USP5: variants seen among roughly 807,000 people sequenced by gnomAD.
The protein encoded by USP5 is ubiquitin carboxyl-terminal hydrolase 5.
A neutral mutation model predicts 102.5 loss-of-function variants in USP5; 24 were observed. That is an observed-to-expected ratio of 0.23 (90% CI 0.17 to 0.33). The LOEUF is 0.33. Among genes scored for constraint, USP5 ranks in the 10% least tolerant of loss-of-function variants. USP5 has a pLI of 1.00. For synonymous variants in USP5, 460 were observed against 434.8 expected (o/e 1.06, Z -0.72); for missense variants, 753 against 1,122.1 (o/e 0.67, Z 4.70).
Position 6,863,825 on chromosome 12 carries a change from T to C in USP5, c.1955-5T>C. Reference sequence around the variant, plus strand: ...CGGTCCGTGTACCCACAATTCCCATTACAGCGCCCATGCTGGATGAATCAG... The same window carrying C: ...CGGTCCGTGTACCCACAATTCCCATCACAGCGCCCATGCTGGATGAATCAG... On this transcript the variant is annotated splice_region_variant and splice_polypyrimidine_tract_variant and intron_variant, in intron 15 of 19. Transcript: ENST00000229268. The surrounding 1 kb of genome is among the most constrained non-coding windows in gnomAD (Gnocchi z 4.7). The C allele has an allele frequency of 1.9e-6, 3 of 1,569,546 alleles. No individual in the cohort carries two copies. Among genetic ancestry groups the C allele is most frequent in the Non-Finnish European group, 2.6e-6 (3 of 1,155,418 alleles).
chr12:6,855,656 T>G lies in USP5; in HGVS notation c.238-99T>G, dbSNP rs1591605000. Reference sequence around the variant, plus strand: ...TGGCACAGATGTTTTTTAGCTTTATTCCGTTCTGAGATGAAGCACTACCTC... The same window carrying G: ...TGGCACAGATGTTTTTTAGCTTTATGCCGTTCTGAGATGAAGCACTACCTC... On this transcript the variant is annotated intron_variant, in intron 2 of 19. Transcript: ENST00000229268. This position sits in a 1 kb window ranked among gnomAD's most constrained non-coding sequence, Gnocchi z 4.6. 2.5e-6 allele frequency: 4 copies of G among 1,592,404 alleles called. No individual in the cohort carries two copies. The East Asian group carries it at 8.9e-5, about 36-fold the overall frequency.
chr12:6,857,006 T>G, intron 6 of USP5, 115 bp downstream of exon 6: 1 of 1,343,020 alleles, frequency 7.4e-7, no homozygotes, highest in Middle Eastern at 2.3e-4. Context: ...AGGAAAGTAG[T>G]CAGGTGCGGT....
chr12:6,863,460 T>C lies in USP5; in HGVS notation c.1954+83T>C, dbSNP rs1242338310. 6.8e-7 allele frequency: 1 copy of C among 1,461,842 alleles called. No individual in the cohort carries two copies. The highest frequency in any genetic ancestry group is 9.3e-7 in the Non-Finnish European group (1 of 1,071,282). 90.6% of individuals were successfully genotyped at this position (1,461,842 alleles called of 1,614,324 possible). A position where few individuals can be genotyped will look rare whatever the true frequency, so the allele number is the denominator to read the frequency against. On this transcript the variant is annotated intron_variant, in intron 15 of 19. Transcript: ENST00000229268. The surrounding 1 kb of genome is among the most constrained non-coding windows in gnomAD (Gnocchi z 4.7). ...TTGCATCCCCTGCCCCTGTCCTTTG[T>C]GTTTCTCCTGTCCTCCCTTTCAAAT...
chr12:6,852,313 C>T (rs372470475), intron 1 of USP5, 23 bp downstream of exon 1: 280 of 1,589,484 alleles, frequency 1.8e-4, no homozygotes, highest in Admixed American at 1.1e-4. Context: ...CCCACGCCCG[C>T]AACGAGCACG....
At chr12:6,859,169 T>G (rs1944201996) in intron 8 of USP5, among the ~76,000 whole-genome samples, 4 of 152,216 alleles carry the variant, frequency 2.6e-5, no homozygotes, top group South Asian at 4.1e-4. Context: ...ACAATTAGAA[T>G]GTGAATGCTC....
chr12:6,859,632 A>C, intron 9 of USP5, 91 bp downstream of exon 9: 1 of 1,276,470 alleles, frequency 7.8e-7, no homozygotes, highest in African/African-American at 1.5e-5. Context: ...ACAGCACTTT[A>C]ACCCCTGGCC....
chr12:6,865,885 G>A (rs1944431706), intron 19 of USP5, 99 bp from the exon 20 acceptor site: 1 of 1,026,282 alleles, frequency 9.7e-7, no homozygotes, highest in Non-Finnish European at 1.5e-6. Flanking sequence ...TGGGCAGAGA[G>A]TGTGGAGAGC....
rs1181403148 is a variant in USP5, at chr12:6,860,408, A to G, written c.1261A>G (p.Ile421Val). ...TGCCCCTCGGATGTTCAAGGCCCTC[A>G]TCGGCAAGGGCCACCCTGAATTCTC... is the stretch of plus-strand genomic sequence containing the variant. ...GIAPRMFKAL[I>V]GKGHPEFSTN... The change falls in exon 11 of 20, where the codon ATC becomes GTC. Residue 421 changes from isoleucine (I) to valine (V), a missense_variant. Ile to Val is a conservative substitution (Grantham distance 29). Around this residue, in one of 3 missense-constraint regions of USP5, gnomAD observed 527 missense variants for 816.5 expected, o/e 0.65. Transcript: ENST00000229268. This position sits in a 1 kb window ranked among gnomAD's most constrained non-coding sequence, Gnocchi z 5.5. The G allele has an allele frequency of 1.9e-6, 3 of 1,614,172 alleles. No individual in the cohort carries two copies. Among genetic ancestry groups the G allele is most frequent in the Non-Finnish European group, 8.5e-7 (1 of 1,180,034 alleles).
Position 6,854,681 on chromosome 12 carries a change from C to T in USP5, c.112-720C>T, listed in dbSNP as rs113032589. On this transcript the variant is annotated intron_variant, in intron 1 of 19. Coordinates refer to ENST00000229268, the MANE Select transcript of USP5 (RefSeq NM_001098536.2). Reference sequence around the variant, plus strand: ...ACTGAGGCAGAAGGATCACTTGAGCCGGGGAGGTTGAGGCTGCAGTGAGCT... The same window carrying T: ...ACTGAGGCAGAAGGATCACTTGAGCTGGGGAGGTTGAGGCTGCAGTGAGCT... Among the ~76,000 whole-genome samples the T allele has an allele frequency of 2.8e-3, 424 of 152,004 alleles. 2 individuals carry two copies. The highest frequency in any genetic ancestry group is 0.01 in the Middle Eastern group (3 of 292).
chr12:6,857,933 A>G (rs1555128717), intron 7 of USP5, among the ~76,000 whole-genome samples: 1 of 152,224 alleles, frequency 6.6e-6, no homozygotes, highest in East Asian at 1.9e-4. Context: ...AATAAGACAG[A>G]TGTGGTTTTT....
At chr12:6,852,410 C>A in intron 1 of USP5, 120 bp downstream of exon 1, 1 of 1,000,578 alleles carries the variant, frequency 1.0e-6, no homozygotes, top group Non-Finnish European at 1.5e-6. Context: ...GACTTGTAGT[C>A]TCCCACGCTC....
At chr12:6,862,401 C>T in intron 13 of USP5, 69 bp from the exon 14 acceptor site, 1 of 1,385,962 alleles carries the variant, frequency 7.2e-7, no homozygotes, top group South Asian at 1.2e-5. Context: ...GGCTGAACCC[C>T]AGGTGGGAGT....
intron 13 of USP5, 90 bp from the exon 14 acceptor site, chr12:6,862,380 T>C (rs1325453151): frequency 1.7e-6 from 2 of 1,146,540 alleles, no homozygotes; most frequent in Non-Finnish European, 2.6e-6. Flanking sequence ...TTGGGACTTC[T>C]ACCCATGAGG....
In USP5 at chr12:6,856,150, G is replaced by A. The variant is rs1555128201; in HGVS notation, c.438G>A (p.Arg146=). 2 of 1,614,084 alleles carry A rather than the reference G, an allele frequency of 1.2e-6. No individual in the cohort carries two copies. The change falls in exon 4 of 20, where the codon CGG becomes CGA. Residue 146 remains arginine (R), a splice_region_variant and synonymous_variant. Coordinates refer to ENST00000229268, the MANE Select transcript of USP5 (RefSeq NM_001098536.2). This position sits in a 1 kb window ranked among gnomAD's most constrained non-coding sequence, Gnocchi z 5.6. ...GACTGCCTGACATTGTCAGAGATCG[G>A]GTATGACTGCCCCCTATGCTACCCA... ...LGGLPDIVRD[R]VTSAVEALLS...
chr12:6,860,885 A>T lies in USP5; in HGVS notation c.1345-68A>T. On this transcript the variant is annotated intron_variant, in intron 11 of 19. Transcript: ENST00000229268. This position sits in a 1 kb window ranked among gnomAD's most constrained non-coding sequence, Gnocchi z 5.5. ...TCTGCCTTCTCTCCCTGACTCTCCC[A>T]TGAACCTTTCAGGCCCCATTCTGTT... 6.3e-7 allele frequency: 1 copy of T among 1,594,314 alleles called. No homozygotes were observed.
At chr12:6,857,964 A>G (rs1944168912) in intron 7 of USP5, among the ~76,000 whole-genome samples, 1 of 152,248 alleles carries the variant, frequency 6.6e-6, no homozygotes, top group Admixed American at 6.5e-5. Context: ...GTTCTACTCT[A>G]GAAGAAAAGG....
intron 1 of USP5, among the ~76,000 whole-genome samples, chr12:6,852,782 C>T (rs1424613775): frequency 1.3e-5 from 2 of 152,006 alleles, no homozygotes; most frequent in African/African-American, 2.4e-5. Flanking sequence ...TCAAGAAGTC[C>T]GATTCTGAGA....
chr12:6,863,295 G>T lies in USP5; in HGVS notation c.1872G>T (p.Pro624=). The change falls in exon 15 of 20, where the codon CCG becomes CCT. Residue 624 remains proline (P), a synonymous_variant. Coordinates refer to ENST00000229268, the MANE Select transcript of USP5 (RefSeq NM_001098536.2). The surrounding 1 kb of genome is among the most constrained non-coding windows in gnomAD (Gnocchi z 4.7). ...LPDIAPPLVT[P]DEPKGSLGFY... is the part of the protein sequence containing the mutation. ...ACATTGCCCCACCCCTGGTCACTCC[G>T]GATGAGCCCAAAGGTAGCCTTGGTT... 1 of 1,614,190 alleles carries T rather than the reference G, an allele frequency of 6.2e-7. No homozygotes were observed. Among genetic ancestry groups the T allele is most frequent in the Non-Finnish European group, 8.5e-7 (1 of 1,180,038 alleles).
rs1555130067 is a variant in USP5 at position 6,863,756 on chromosome 12, G to A, written c.1955-74G>A. On this transcript the variant is annotated intron_variant, in intron 15 of 19. Transcript: ENST00000229268. The surrounding 1 kb of genome is among the most constrained non-coding windows in gnomAD (Gnocchi z 4.7). Reference sequence around the variant, plus strand: ...TGGAATGGGTGATTGGAAGAGGGCTGGGTCCTGGGGGAGGGAGGAGGAGCA... The same window carrying A: ...TGGAATGGGTGATTGGAAGAGGGCTAGGTCCTGGGGGAGGGAGGAGGAGCA... The A allele has an allele frequency of 4.7e-6, 7 of 1,498,600 alleles. No homozygotes were observed. Among genetic ancestry groups the A allele is most frequent in the African/African-American group, 1.4e-5 (1 of 71,360 alleles). The allele number at this position is 1,498,600 out of a possible 1,614,324, so 92.8% of individuals were successfully genotyped here.
Sources: gnomAD v4.1 joint callset for allele counts (sites outside exome capture counted in the v4.1 genomes callset) on GRCh38, gnomAD v4.1.1 for gene constraint, gnomAD v4.1.1 regional missense constraint, Gnocchi (gnomAD v3.1) non-coding constraint, MANE v1.5 for transcripts, NCBI Gene and HGNC (gene_info 2026-07-23, HGNC 2026-07-21) for gene names.